TMEM163: variants seen among roughly 807,000 people sequenced by gnomAD.
The protein encoded by TMEM163 is transmembrane protein 163.
TMEM163 carries 17 observed loss-of-function variants against 29.3 expected under a neutral mutation model. That is an observed-to-expected ratio of 0.58 (90% CI 0.40 to 0.87). TMEM163 has a LOEUF of 0.87. TMEM163 is among the 40% of genes least tolerant of loss of function. The probability of loss-of-function intolerance (pLI) is 0.00; values close to 1 mark genes in which losing one functional copy is unlikely to be tolerated. For missense variants in TMEM163, 303 were observed against 381.5 expected, an observed-to-expected ratio of 0.79 and a Z score of 1.71; for synonymous variants, 157 against 160.6, an observed-to-expected ratio of 0.98 and a Z score of 0.17.
chr2:134,583,984 G>A (rs1681755197), intron 2 of TMEM163, among the ~76,000 whole-genome samples: 1 of 152,108 alleles, frequency 6.6e-6, no homozygotes. Context: ...ACTCCCTGAG[G>A]CAGGAATTTC....
chr2:134,512,594 T>C (rs1679975160), intron 4 of TMEM163, among the ~76,000 whole-genome samples: 1 of 152,208 alleles, frequency 6.6e-6, no homozygotes, highest in Admixed American at 6.5e-5. Context: ...CCAGAATTCA[T>C]TCATCCCGCA....
intron 5 of TMEM163, among the ~76,000 whole-genome samples, chr2:134,489,123 G>C (rs1159757453): frequency 6.6e-6 from 1 of 152,154 alleles, no homozygotes; most frequent in East Asian, 1.9e-4. Context: ...ACTACCATGA[G>C]AGTATGACAA....
At chr2:134,544,409 A>T (rs890618602) in intron 4 of TMEM163, among the ~76,000 whole-genome samples, 1 of 152,178 alleles carries the variant, frequency 6.6e-6, no homozygotes, top group African/African-American at 2.4e-5. Flanking sequence ...TTTGAAAACA[A>T]GTTAAAAATG....
chr2:134,646,234 G>A (rs6737063), intron 2 of TMEM163, among the ~76,000 whole-genome samples: 2,562 of 146,050 alleles, frequency 0.018, 67 homozygotes, highest in African/African-American at 0.061. Flanking sequence ...ACAGGTGCCC[G>A]CCACCACATC....
Position 134,539,354 on chromosome 2 carries a change from G to A in TMEM163, c.458+11216C>T, listed in dbSNP as rs566894905. Among the ~76,000 whole-genome samples, 16 of 152,294 alleles carry A rather than the reference G, an allele frequency of 1.1e-4. 1 individual carries two copies. The highest frequency in any genetic ancestry group is 3.4e-3 in the Middle Eastern group (1 of 294). ...ATTCGATGCAATTTCATGGACACCC[G>A]AGGAAGGCGACATGCACTGTGGTGG... is the stretch of plus-strand genomic sequence containing the variant. On this transcript the variant is annotated intron_variant, in intron 4 of 7. Coordinates refer to ENST00000281924, the MANE Select transcript of TMEM163 (RefSeq NM_030923.5).
At chr2:134,578,763 T>C (rs909396559) in intron 2 of TMEM163, among the ~76,000 whole-genome samples, 3 of 152,110 alleles carry the variant, frequency 2.0e-5, no homozygotes, top group Admixed American at 6.6e-5. Context: ...AGTGTGTGTG[T>C]GTGCATGTGT....
chr2:134,524,050 C>T (rs185982625), intron 4 of TMEM163, among the ~76,000 whole-genome samples: 2 of 152,204 alleles, frequency 1.3e-5, no homozygotes, highest in Non-Finnish European at 2.9e-5. Flanking sequence ...ATTTTAGAGC[C>T]TTGCAACCCC....
intron 4 of TMEM163, among the ~76,000 whole-genome samples, chr2:134,542,284 C>T (rs1680693221): frequency 6.6e-6 from 1 of 152,228 alleles, no homozygotes; most frequent in Non-Finnish European, 1.5e-5. Context: ...TGTCGTGACC[C>T]TCCCTCCCTT....
Position 134,588,461 on chromosome 2 carries a change from C to T in TMEM163, c.323-36370G>A, listed in dbSNP as rs769623688. ...GGGTCCAATCAGCAGTTCCTAAACC[C>T]GATGAAACTGGAGTGGCATGGGCAG... On this transcript the variant is annotated intron_variant, in intron 2 of 7. Coordinates refer to ENST00000281924, the MANE Select transcript of TMEM163 (RefSeq NM_030923.5). Among the ~76,000 whole-genome samples the T allele has an allele frequency of 5.3e-5, 8 of 152,136 alleles. No individual in the cohort carries two copies. The East Asian group carries it at 5.8e-4, about 11-fold the overall frequency.
At chr2:134,669,105 A>T (rs923241150) in intron 2 of TMEM163, among the ~76,000 whole-genome samples, 1 of 152,214 alleles carries the variant, frequency 6.6e-6, no homozygotes, top group Non-Finnish European at 1.5e-5. Flanking sequence ...TCCAAAGAAC[A>T]GGAGGGGCCA....
At chr2:134,614,832 C>T (rs949830558) in intron 2 of TMEM163, among the ~76,000 whole-genome samples, 4 of 151,134 alleles carry the variant, frequency 2.6e-5, no homozygotes, top group East Asian at 1.9e-4. Flanking sequence ...CCAGCCTGTG[C>T]GACAGAGTGA....
intron 2 of TMEM163, among the ~76,000 whole-genome samples, chr2:134,564,651 C>T: frequency 6.6e-6 from 1 of 152,106 alleles, no homozygotes; most frequent in Admixed American, 6.5e-5. Flanking sequence ...ACTTATAAAT[C>T]ACTAAGAAAG....
At chr2:134,696,901 G>A (rs572696677) in intron 2 of TMEM163, among the ~76,000 whole-genome samples, 47 of 152,028 alleles carry the variant, frequency 3.1e-4, no homozygotes, top group Admixed American at 2.7e-3. Flanking sequence ...TCAGCCCCCC[G>A]AGTAGCTGGG....
chr2:134,529,106 G>C (rs926550343), intron 4 of TMEM163, among the ~76,000 whole-genome samples: 10 of 152,236 alleles, frequency 6.6e-5, no homozygotes, highest in Non-Finnish European at 1.2e-4. Context: ...CAAGGCCAGT[G>C]GATTATTTGA....
chr2:134,616,700 G>T (rs1355205928), intron 2 of TMEM163, among the ~76,000 whole-genome samples: 2 of 152,092 alleles, frequency 1.3e-5, no homozygotes, highest in Non-Finnish European at 2.9e-5. Context: ...GAGTTCTGTG[G>T]ATTGTACCAA....
intron 2 of TMEM163, among the ~76,000 whole-genome samples, chr2:134,606,546 G>C (rs1194588190): frequency 6.6e-6 from 1 of 152,156 alleles, no homozygotes; most frequent in African/African-American, 2.4e-5. Context: ...CATGCTCCCT[G>C]CCTCTACCCG....
chr2:134,572,289 C>T (rs1032321132), intron 2 of TMEM163, among the ~76,000 whole-genome samples: 1 of 152,188 alleles, frequency 6.6e-6, no homozygotes, highest in African/African-American at 2.4e-5. Flanking sequence ...CTGTCCACTT[C>T]AGAGCAGAGA....
At chr2:134,588,478 C>T (rs1681867816) in intron 2 of TMEM163, among the ~76,000 whole-genome samples, 1 of 152,126 alleles carries the variant, frequency 6.6e-6, no homozygotes, top group Non-Finnish European at 1.5e-5. Flanking sequence ...ACTGGAGTGG[C>T]ATGGGCAGTA....
At chr2:134,664,390 C>G (rs55808946) in intron 2 of TMEM163, among the ~76,000 whole-genome samples, 15,829 of 152,164 alleles carry the variant, frequency 0.1, 987 homozygotes, top group South Asian at 0.17. Context: ...GTAGGTCTAG[C>G]GTGGGGTTTA....
Sources: gnomAD v4.1 joint callset for allele counts (sites outside exome capture counted in the v4.1 genomes callset) on GRCh38, gnomAD v4.1.1 for gene constraint, MANE v1.5 for transcripts, NCBI Gene and HGNC (gene_info 2026-07-23, HGNC 2026-07-21) for gene names.